Variants in TNS3 observed in about 807,000 individuals in gnomAD.
TNS3 encodes the protein tensin 3.
TNS3 carries 45 observed loss-of-function variants against 140.9 expected under a neutral mutation model. The ratio of observed to expected loss-of-function variants is 0.32; its 90% CI spans 0.25 to 0.41. The LOEUF (loss-of-function observed/expected upper bound fraction) is 0.41. Ranked by LOEUF, TNS3 falls within the 10% of genes least tolerant of loss-of-function variation. The probability of loss-of-function intolerance (pLI) is 1.00; values close to 1 mark genes in which losing one functional copy is unlikely to be tolerated. For missense variants in TNS3, 1,716 were observed against 1,906.7 expected, an observed-to-expected ratio of 0.90 and a Z score of 1.86; for synonymous variants, 815 against 788.4, an observed-to-expected ratio of 1.03 and a Z score of -0.56.
intron 4 of TNS3, among the ~76,000 whole-genome samples, chr7:47,461,163 G>A (rs897921890): frequency 6.6e-6 from 1 of 152,128 alleles, no homozygotes; most frequent in African/African-American, 2.4e-5. Flanking sequence ...AGTGAGCCCC[G>A]CATTAAGTGT....
chr7:47,465,550 C>T (rs1043444991), intron 4 of TNS3, among the ~76,000 whole-genome samples: 2 of 152,130 alleles, frequency 1.3e-5, no homozygotes, highest in Non-Finnish European at 1.5e-5. Context: ...ATCCATACAC[C>T]GACACCCCCT....
In TNS3 at chr7:47,400,829, T is replaced by A. The variant is rs956958334; in HGVS notation, c.809A>T (p.Tyr270Phe). The change falls in exon 14 of 31, where the codon TAC (tyrosine) becomes TTC (phenylalanine). Residue 270 changes from tyrosine to phenylalanine, a missense_variant. Tyr to Phe is a conservative substitution (Grantham distance 22). Transcript: ENST00000311160. ...ATCCTCCTTCCCAAACACCAGCCCG[T>A]AGCCCTGCACAGCCCCAGTGTGAAA... is the stretch of plus-strand genomic sequence containing the variant. The part of the protein sequence containing the change: ...LQFHTGAVQG[Y>F]GLVFGKEDLD... The A allele has an allele frequency of 1.6e-5, 26 of 1,614,086 alleles. No homozygotes were observed. The highest frequency in any genetic ancestry group is 2.0e-5 in the Non-Finnish European group (24 of 1,180,034).
intron 4 of TNS3, among the ~76,000 whole-genome samples, chr7:47,472,965 T>G (rs879838386): frequency 4.6e-5 from 7 of 152,164 alleles, no homozygotes; most frequent in Non-Finnish European, 8.8e-5. Flanking sequence ...CTTACAGTGC[T>G]GGCCCCACCC....
intron 1 of TNS3, among the ~76,000 whole-genome samples, chr7:47,547,365 C>T (rs908819074): frequency 1.2e-4 from 18 of 152,150 alleles, no homozygotes; most frequent in African/African-American, 4.1e-4. Flanking sequence ...GAAGGAGTAA[C>T]CAGCACTCAG....
At chr7:47,542,267 G>A (rs75015503) in intron 1 of TNS3, among the ~76,000 whole-genome samples, 39 of 152,232 alleles carry the variant, frequency 2.6e-4, no homozygotes, top group East Asian at 2.3e-3. Flanking sequence ...CATGGTCAGC[G>A]CCACCTGTGA....
chr7:47,443,091 G>A (rs773694227), intron 4 of TNS3, among the ~76,000 whole-genome samples: 3 of 151,972 alleles, frequency 2.0e-5, no homozygotes, highest in Admixed American at 6.6e-5. Context: ...ATCTAGGGGC[G>A]TGCTCTTCAG....
intron 20 of TNS3, among the ~76,000 whole-genome samples, chr7:47,309,043 C>G (rs2150753065): frequency 6.6e-6 from 1 of 152,356 alleles, no homozygotes; most frequent in African/African-American, 2.4e-5. Context: ...TGAGTTTCCT[C>G]TCCCTGCCTT....
At chr7:47,521,189 C>T (rs1798964034) in intron 2 of TNS3, among the ~76,000 whole-genome samples, 1 of 152,160 alleles carries the variant, frequency 6.6e-6, no homozygotes. Context: ...TGCCCACACT[C>T]CCTGCCCCAC....
In TNS3 at chr7:47,451,670, A is replaced by T. The variant is rs139549045; in HGVS notation, c.-75-9615T>A. The stretch of plus-strand genomic sequence containing the variant: ...AACAGCCCGGTGACGAGAGACACAG[A>T]TCACAGCTGCCGGGCCATGTGTGAG... On this transcript the variant is annotated intron_variant, in intron 4 of 30. Transcript: ENST00000311160. Among the ~76,000 whole-genome samples the T allele has an allele frequency of 5.6e-3, 852 of 152,364 alleles. 6 individuals are homozygous for T. Among genetic ancestry groups the T allele is most frequent in the African/African-American group, 0.019 (802 of 41,594 alleles).
chr7:47,279,262 C>A (rs999755792), intron 30 of TNS3: 2 of 152,272 alleles, frequency 1.3e-5, no homozygotes, highest in African/African-American at 4.8e-5. Flanking sequence ...GGAAACCAGG[C>A]TGGGGGGATA....
Position 47,389,485 on chromosome 7 carries a change from A to G in TNS3, c.1024+7315T>C, listed in dbSNP as rs578009513. Among the ~76,000 whole-genome samples, 3 of 152,348 alleles carry G rather than the reference A, an allele frequency of 2.0e-5. No individual in the cohort carries two copies. In the South Asian group the frequency reaches 6.2e-4, roughly 32 times the overall value. On this transcript the variant is annotated intron_variant, in intron 16 of 30. Coordinates refer to ENST00000311160, the MANE Select transcript of TNS3 (RefSeq NM_022748.12). ...TGGGCTGATTTCTGCAAACTTGTAC[A>G]GGACAACATACAACTTGAGCCAATT...
chr7:47,342,379 C>T (rs968548747), intron 20 of TNS3, among the ~76,000 whole-genome samples: 2 of 152,146 alleles, frequency 1.3e-5, no homozygotes, highest in Non-Finnish European at 2.9e-5. Context: ...CTAAATGATA[C>T]GCAGTTAAGC....
At chr7:47,388,643 T>A (rs1159980638) in intron 16 of TNS3, among the ~76,000 whole-genome samples, 1 of 152,096 alleles carries the variant, frequency 6.6e-6, no homozygotes, top group Non-Finnish European at 1.5e-5. Context: ...GGTGGGCAGA[T>A]CTCCTGAGTT....
At chr7:47,283,934 G>A in intron 27 of TNS3, 69 bp from the exon 28 acceptor site, 1 of 1,401,690 alleles carries the variant, frequency 7.1e-7, no homozygotes, top group Non-Finnish European at 9.5e-7. Flanking sequence ...TTAACACACA[G>A]GCAGTTGCTG....
At chr7:47,336,565 G>A (rs1285287489) in intron 20 of TNS3, among the ~76,000 whole-genome samples, 1 of 152,208 alleles carries the variant, frequency 6.6e-6, no homozygotes, top group Non-Finnish European at 1.5e-5. Context: ...TGTGAGAAGG[G>A]TGGGTGAAGG....
rs1562709422 is a variant in TNS3, at chr7:47,414,009, G to A, written c.587-12C>T. ...AAAGGGCCGGCACACTGAAAGAAAGGCACAACTGTCTGTAGAGGCATGACC... is the reference window on the plus strand; with the variant it reads ...AAAGGGCCGGCACACTGAAAGAAAGACACAACTGTCTGTAGAGGCATGACC... On this transcript the variant is annotated splice_polypyrimidine_tract_variant and intron_variant, in intron 11 of 30. Coordinates refer to ENST00000311160, the MANE Select transcript of TNS3 (RefSeq NM_022748.12). 1 of 1,612,752 alleles carries A rather than the reference G, an allele frequency of 6.2e-7. No homozygotes were observed. The highest frequency in any genetic ancestry group is 1.7e-5 in the Admixed American group (1 of 59,940).
intron 5 of TNS3, among the ~76,000 whole-genome samples, chr7:47,441,677 C>T (rs1334791504): frequency 6.6e-6 from 1 of 152,116 alleles, no homozygotes; most frequent in African/African-American, 2.4e-5. Flanking sequence ...TGGCTCAGGG[C>T]CCCCCTCATC....
intron 20 of TNS3, among the ~76,000 whole-genome samples, chr7:47,331,483 C>G (rs754425536): frequency 1.3e-5 from 2 of 152,146 alleles, no homozygotes; most frequent in African/African-American, 2.4e-5. Context: ...TTCACAGTAA[C>G]CCAATCTCAT....
intron 8 of TNS3, 45 bp downstream of exon 8, chr7:47,435,237 C>G (rs753579284): frequency 1.4e-5 from 22 of 1,609,698 alleles, no homozygotes; most frequent in South Asian, 5.5e-5. Flanking sequence ...ACTCCAAAGG[C>G]TGAAGCCCAG....
Sources: gnomAD v4.1 joint callset for allele counts (sites outside exome capture counted in the v4.1 genomes callset) on GRCh38, gnomAD v4.1.1 for gene constraint, MANE v1.5 for transcripts, NCBI Gene and HGNC (gene_info 2026-07-23, HGNC 2026-07-21) for gene names.